The following CCDC138 variants were observed in gnomAD, a reference collection of about 807,000 sequenced individuals.
CCDC138 encodes the protein coiled-coil domain containing 138.
In CCDC138, 66 loss-of-function variants were observed where a neutral mutation model predicts 82.3. The ratio of observed to expected loss-of-function variants is 0.80; its 90% CI spans 0.66 to 0.98. CCDC138 has a LOEUF of 0.98. CCDC138 is among the 50% of genes least tolerant of loss of function. The probability of loss-of-function intolerance (pLI) is 0.00; values close to 1 mark genes in which losing one functional copy is unlikely to be tolerated. For missense variants in CCDC138, 816 were observed against 758.9 expected (o/e 1.08, Z -0.88); for synonymous variants, 297 against 265.4 (o/e 1.12, Z -1.16).
chr2:108,793,507 G>A (rs970934401), intron 4 of CCDC138, among the ~76,000 whole-genome samples: 7 of 152,150 alleles, frequency 4.6e-5, no homozygotes, highest in African/African-American at 1.7e-4. Flanking sequence ...AAACAATTTG[G>A]CATCACTAGT....
rs140232219 is a variant in CCDC138, at chr2:108,798,010, C to T, written c.577-418C>T. On this transcript the variant is annotated intron_variant, in intron 5 of 14. Coordinates refer to ENST00000295124, the MANE Select transcript of CCDC138 (RefSeq NM_144978.3). ...TGGTACTTAGCTGAGTAGCATGGGA[C>T]CAGGGAAGGTGATCAGTGTGCTAAT... 1.8e-3 allele frequency among the ~76,000 whole-genome samples: 269 copies of T among 148,922 alleles called. 1 individual carries two copies. Among genetic ancestry groups the T allele is most frequent in the African/African-American group, 6.1e-3 (246 of 40,278 alleles).
intron 10 of CCDC138, among the ~76,000 whole-genome samples, chr2:108,824,427 G>C (rs1221322247): frequency 1.3e-5 from 2 of 151,958 alleles, no homozygotes; most frequent in African/African-American, 4.8e-5. Context: ...GTTAGCTTAG[G>C]CTTACACAGG....
At chr2:108,863,119 T>C (rs1188855536) in intron 13 of CCDC138, among the ~76,000 whole-genome samples, 1 of 152,224 alleles carries the variant, frequency 6.6e-6, no homozygotes, top group Non-Finnish European at 1.5e-5. Flanking sequence ...CTATTTTTCA[T>C]TGACAAGTTT....
At chr2:108,855,443 C>G (rs1402288360) in intron 12 of CCDC138, among the ~76,000 whole-genome samples, 1 of 151,270 alleles carries the variant, frequency 6.6e-6, no homozygotes. Context: ...TAAAGAGTTG[C>G]GTTCAGGCTT....
chr2:108,806,920 A>G (rs2149717079), intron 7 of CCDC138, among the ~76,000 whole-genome samples: 1 of 152,336 alleles, frequency 6.6e-6, no homozygotes, highest in Non-Finnish European at 1.5e-5. Context: ...CTCAGTTGAA[A>G]GGAGCAGCAT....
chr2:108,836,141 C>T (rs554041531), intron 10 of CCDC138, among the ~76,000 whole-genome samples: 241 of 152,202 alleles, frequency 1.6e-3, no homozygotes, highest in Non-Finnish European at 1.9e-3. Flanking sequence ...CAAACCATAG[C>T]GCTTATTAAA....
chr2:108,860,576 G>A (rs1272944890), intron 13 of CCDC138, among the ~76,000 whole-genome samples: 2 of 151,538 alleles, frequency 1.3e-5, no homozygotes, highest in African/African-American at 4.8e-5. Context: ...GCATCTAGGG[G>A]TTTTTGTTTT....
intron 12 of CCDC138, among the ~76,000 whole-genome samples, chr2:108,851,363 G>A (rs577083448): frequency 6.7e-4 from 102 of 152,170 alleles, no homozygotes; most frequent in African/African-American, 2.3e-3. Context: ...GTGCAATGGC[G>A]TGATCTTGGC....
intron 3 of CCDC138, 86 bp from the exon 4 acceptor site, chr2:108,791,589 G>C: frequency 7.0e-7 from 1 of 1,436,390 alleles, no homozygotes. Flanking sequence ...TCTCAGTTAT[G>C]CTGTTAATAT....
intron 4 of CCDC138, among the ~76,000 whole-genome samples, chr2:108,794,319 A>G (rs569838742): frequency 6.6e-6 from 1 of 152,208 alleles, no homozygotes; most frequent in Non-Finnish European, 1.5e-5. Flanking sequence ...TTTCAGACTT[A>G]CAGAAAAGTT....
chr2:108,868,364 TTAAA>T (rs888374700), intron 13 of CCDC138, among the ~76,000 whole-genome samples: 2 of 152,198 alleles, frequency 1.3e-5, no homozygotes, highest in African/African-American at 4.8e-5. Flanking sequence ...AATTGAAGAT[TTAAA>T]TACTTTCCAC....
chr2:108,831,551 G>T (rs1349449436), intron 10 of CCDC138, among the ~76,000 whole-genome samples: 1 of 152,178 alleles, frequency 6.6e-6, no homozygotes, highest in Non-Finnish European at 1.5e-5. Flanking sequence ...GACAGTGTTT[G>T]CTGTGAAGAA....
chr2:108,791,862 A>C, intron 4 of CCDC138, 60 bp downstream of exon 4: 2 of 1,478,168 alleles, frequency 1.4e-6, no homozygotes, highest in Non-Finnish European at 1.8e-6. Context: ...AGAGTAAATG[A>C]AGCTTCCCTC....
intron 6 of CCDC138, among the ~76,000 whole-genome samples, chr2:108,799,186 A>G (rs1026055679): frequency 2.0e-5 from 3 of 152,186 alleles, no homozygotes; most frequent in African/African-American, 7.2e-5. Flanking sequence ...CAGCATTCTT[A>G]TATGTCACAT....
intron 12 of CCDC138, among the ~76,000 whole-genome samples, chr2:108,854,037 A>AT (rs371340927): frequency 1.0e-4 from 7 of 69,352 alleles, no homozygotes; most frequent in African/African-American, 4.1e-4. Flanking sequence ...TATTATATAT[A>AT]ATATATAATA....
At chr2:108,793,893 C>T (rs1222300482) in intron 4 of CCDC138, among the ~76,000 whole-genome samples, 2 of 151,854 alleles carry the variant, frequency 1.3e-5, no homozygotes, top group Non-Finnish European at 2.9e-5. Flanking sequence ...TGAGCCACCG[C>T]GCCCTGCCAC....
intron 5 of CCDC138, among the ~76,000 whole-genome samples, chr2:108,797,388 A>G (rs945672958): frequency 3.9e-5 from 6 of 152,222 alleles, no homozygotes; most frequent in African/African-American, 1.4e-4. Flanking sequence ...AATCAATAAA[A>G]TAAGGACTGA....
chr2:108,800,222 G>C (rs114528725), intron 6 of CCDC138, among the ~76,000 whole-genome samples: 2,766 of 152,172 alleles, frequency 0.018, 72 homozygotes, highest in African/African-American at 0.063. Context: ...GAATATTATT[G>C]ATTTTAAAGC....
chr2:108,819,782 A>T (rs1446667031), intron 10 of CCDC138, among the ~76,000 whole-genome samples: 1 of 152,216 alleles, frequency 6.6e-6, no homozygotes, highest in Non-Finnish European at 1.5e-5. Context: ...AAAGGATCAG[A>T]AGGCATACAA....
Sources: allele counts gnomAD v4.1 joint callset (sites outside exome capture counted in the v4.1 genomes callset), GRCh38; gene constraint gnomAD v4.1.1; transcripts MANE v1.5; gene names NCBI Gene and HGNC (gene_info 2026-07-23, HGNC 2026-07-21).